RFX4: variants seen among roughly 807,000 people sequenced by gnomAD.
RFX4 encodes the protein transcription factor RFX4.
RFX4 carries 10 observed loss-of-function variants against 95.0 expected under a neutral mutation model. The ratio of observed to expected loss-of-function variants is 0.11; its 90% CI spans 0.06 to 0.18. The LOEUF is 0.18. Among genes scored for constraint, RFX4 ranks in the 10% least tolerant of loss-of-function variants. RFX4 has a pLI of 1.00. For synonymous variants in RFX4, 321 were observed against 340.7 expected, an observed-to-expected ratio of 0.94 and a Z score of 0.64; for missense variants, 640 against 922.0, an observed-to-expected ratio of 0.69 and a Z score of 3.96.
chr12:106,630,559 A>G (rs914369471), intron 2 of RFX4, among the ~76,000 whole-genome samples: 4 of 152,204 alleles, frequency 2.6e-5, no homozygotes, highest in Non-Finnish European at 5.9e-5. Context: ...GGGGCTGGAA[A>G]CGAGGCAAAT....
At chr12:106,696,482 G>A in intron 8 of RFX4, 36 bp downstream of exon 8, 2 of 1,611,412 alleles carry the variant, frequency 1.2e-6, no homozygotes, top group Non-Finnish European at 8.5e-7. Context: ...TTCACGGCTG[G>A]TCCACAGAAG....
chr12:106,663,604 A>T (rs1022303487), intron 4 of RFX4, among the ~76,000 whole-genome samples: 2 of 151,904 alleles, frequency 1.3e-5, no homozygotes, highest in African/African-American at 4.8e-5. Context: ...AGGAGTGGTG[A>T]GAGGAGTGGT....
intron 2 of RFX4, among the ~76,000 whole-genome samples, chr12:106,624,591 T>A (rs2040252297): frequency 6.6e-6 from 1 of 152,036 alleles, no homozygotes; most frequent in Non-Finnish European, 1.5e-5. Context: ...CCTCCCAAAG[T>A]GTGGGGATTA....
chr12:106,617,675 C>T (rs568279843), intron 2 of RFX4, among the ~76,000 whole-genome samples: 114 of 152,164 alleles, frequency 7.5e-4, no homozygotes, highest in African/African-American at 2.7e-3. Flanking sequence ...GGTTAATGTC[C>T]ATGCACACTT....
At chr12:106,730,299 A>G (rs1457755797) in intron 13 of RFX4, among the ~76,000 whole-genome samples, 1 of 152,212 alleles carries the variant, frequency 6.6e-6, no homozygotes, top group East Asian at 1.9e-4. Context: ...ACTAGCCTCC[A>G]CTACCTTATG....
At chr12:106,669,834 C>G (rs1947647445) in intron 4 of RFX4, among the ~76,000 whole-genome samples, 1 of 107,276 alleles carries the variant, frequency 9.3e-6, no homozygotes, top group South Asian at 3.6e-4. Flanking sequence ...CAGGTTTTTT[C>G]TAGGGGTGTG....
intron 4 of RFX4, among the ~76,000 whole-genome samples, chr12:106,657,606 G>A (rs1267484533): frequency 6.6e-6 from 1 of 152,136 alleles, no homozygotes; most frequent in Non-Finnish European, 1.5e-5. Flanking sequence ...TCGCTGTTAA[G>A]GGTAATGAAA....
intron 2 of RFX4, among the ~76,000 whole-genome samples, chr12:106,609,710 G>A (rs78773559): frequency 0.036 from 5,448 of 151,886 alleles, 255 homozygotes; most frequent in African/African-American, 0.11. Context: ...TGAACATAAA[G>A]TATACAAATC....
chr12:106,664,093 C>A (rs2041127662), intron 4 of RFX4, among the ~76,000 whole-genome samples: 1 of 151,422 alleles, frequency 6.6e-6, no homozygotes, highest in South Asian at 2.1e-4. Flanking sequence ...GGAAGTAGTC[C>A]CTCTGCTTCT....
chr12:106,753,870 G>C (rs1487809156), intron 17 of RFX4, among the ~76,000 whole-genome samples: 1 of 152,202 alleles, frequency 6.6e-6, no homozygotes, highest in Non-Finnish European at 1.5e-5. Context: ...CTACGGAGTG[G>C]TAAGATCAGA....
chr12:106,751,601 G>A (rs1481233748), intron 17 of RFX4, among the ~76,000 whole-genome samples: 1 of 144,750 alleles, frequency 6.9e-6, no homozygotes, highest in Non-Finnish European at 1.5e-5. Context: ...AGCACCTGTT[G>A]TTTCCTGACT....
At chr12:106,747,102 G>T (rs751924962) in intron 15 of RFX4, among the ~76,000 whole-genome samples, 12 of 152,184 alleles carry the variant, frequency 7.9e-5, no homozygotes, top group Non-Finnish European at 1.8e-4. Context: ...GTACAGTGAG[G>T]GATCTGGCCT....
At chr12:106,617,453 C>G (rs1214214283) in intron 2 of RFX4, among the ~76,000 whole-genome samples, 1 of 152,146 alleles carries the variant, frequency 6.6e-6, no homozygotes, top group Non-Finnish European at 1.5e-5. Context: ...TTCAGTTAAA[C>G]ATATTTTCAA....
chr12:106,659,737 C>T (rs959705090), intron 4 of RFX4, among the ~76,000 whole-genome samples: 2 of 152,152 alleles, frequency 1.3e-5, no homozygotes, highest in African/African-American at 4.8e-5. Context: ...GATGATTTGC[C>T]AAGTTCACAC....
intron 2 of RFX4, among the ~76,000 whole-genome samples, chr12:106,611,409 C>CT (rs143279981): frequency 0.06 from 8,668 of 145,372 alleles, 483 homozygotes; most frequent in East Asian, 0.23. Context: ...AAGTTTTCGC[C>CT]TTTTTTTTTT....
intron 8 of RFX4, among the ~76,000 whole-genome samples, chr12:106,704,956 C>T (rs1031113511): frequency 2.0e-5 from 3 of 152,136 alleles, no homozygotes; most frequent in Non-Finnish European, 2.9e-5. Flanking sequence ...GCAGAGGGCA[C>T]TGGAGATGGG....
chr12:106,698,241 T>G (rs2137456280), intron 8 of RFX4, among the ~76,000 whole-genome samples: 1 of 152,212 alleles, frequency 6.6e-6, no homozygotes, highest in East Asian at 1.9e-4. Context: ...CCCTTTGTGC[T>G]GGGATTACAG....
Position 106,583,286 on chromosome 12 carries a change from T to C in RFX4, c.-35T>C. The C allele has an allele frequency of 6.8e-7, 1 of 1,473,986 alleles. No homozygotes were observed. Among genetic ancestry groups the C allele is most frequent in the East Asian group, 2.9e-5 (1 of 34,488 alleles). 91.3% of individuals were successfully genotyped at this position (1,473,986 alleles called of 1,614,324 possible). The stretch of plus-strand genomic sequence containing the variant: ...ACAGGGGATCCCCAAACATCAGGAC[T>C]TTTGGGGGGCGCCTGTGCTGTCCAT... On this transcript the variant is annotated 5_prime_UTR_variant, in exon 1 of 18. Transcript: ENST00000392842.
At chr12:106,643,513 C>G (rs1381343796) in intron 3 of RFX4, among the ~76,000 whole-genome samples, 1 of 152,120 alleles carries the variant, frequency 6.6e-6, no homozygotes, top group African/African-American at 2.4e-5. Flanking sequence ...GCACATGTAT[C>G]ATCTTTTAAA....
Sources: allele counts gnomAD v4.1 joint callset (sites outside exome capture counted in the v4.1 genomes callset), GRCh38; gene constraint gnomAD v4.1.1; transcripts MANE v1.5; gene names NCBI Gene and HGNC (gene_info 2026-07-23, HGNC 2026-07-21).